Variants in TTC8 observed in about 807,000 individuals in gnomAD.
TTC8 encodes the protein tetratricopeptide repeat protein 8.
A neutral mutation model predicts 72.5 loss-of-function variants in TTC8; 47 were observed. The observed-to-expected ratio is 0.65, with a 90% CI of 0.51 to 0.83. The LOEUF is 0.83. Ranked by LOEUF, TTC8 falls within the 40% of genes least tolerant of loss-of-function variation. The pLI, the probability that TTC8 is intolerant of heterozygous loss-of-function variation, is 0.00. For missense variants in TTC8, 611 were observed against 623.2 expected, an observed-to-expected ratio of 0.98 and a Z score of 0.21; for synonymous variants, 199 against 221.4, an observed-to-expected ratio of 0.90 and a Z score of 0.90.
rs572231432 is a variant in TTC8, at chr14:88,841,905, G to T, written c.579+391G>T. Among the ~76,000 whole-genome samples, 11 of 152,166 alleles carry T rather than the reference G, an allele frequency of 7.2e-5. No individual in the cohort carries two copies. The East Asian group carries it at 2.1e-3, about 29-fold the overall frequency. On this transcript the variant is annotated intron_variant, in intron 6 of 14. Coordinates refer to ENST00000380656, the MANE Select transcript of TTC8 (RefSeq NM_144596.4). ...TGTAGGTTTTTTAGGACTGTCAAAG[G>T]ATGATAAAAATTATGTACTCCTAAT...
chr14:88,873,160 C>T (rs920391294), intron 13 of TTC8, among the ~76,000 whole-genome samples: 2 of 152,158 alleles, frequency 1.3e-5, no homozygotes, highest in Non-Finnish European at 2.9e-5. Context: ...CGTGACCTGC[C>T]CTCTGGCTCC....
At chr14:88,847,409 A>T (rs1029320369) in intron 7 of TTC8, among the ~76,000 whole-genome samples, 9 of 152,190 alleles carry the variant, frequency 5.9e-5, no homozygotes, top group Admixed American at 4.6e-4. Flanking sequence ...AACATATCTC[A>T]TTAACACGGA....
intron 7 of TTC8, among the ~76,000 whole-genome samples, chr14:88,851,455 A>G (rs1180219443): frequency 6.6e-6 from 1 of 152,154 alleles, no homozygotes; most frequent in African/African-American, 2.4e-5. Flanking sequence ...AGACATAAAA[A>G]ATTTTTGCAT....
At chr14:88,840,474 G>C (rs995955941) in intron 3 of TTC8, among the ~76,000 whole-genome samples, 1 of 151,962 alleles carries the variant, frequency 6.6e-6, no homozygotes, top group Non-Finnish European at 1.5e-5. Flanking sequence ...TAGATATTGT[G>C]GGTAAATTAT....
At chr14:88,868,885 A>G (rs1004093951) in intron 10 of TTC8, among the ~76,000 whole-genome samples, 19 of 152,230 alleles carry the variant, frequency 1.2e-4, no homozygotes, top group African/African-American at 4.6e-4. Flanking sequence ...ACTTTTAAGA[A>G]ATATTAAAAG....
At chr14:88,859,786 A>G (rs138060632) in intron 9 of TTC8, among the ~76,000 whole-genome samples, 112 of 132,492 alleles carry the variant, frequency 8.5e-4, no homozygotes, top group African/African-American at 2.9e-3. Flanking sequence ...GAAATTCAAT[A>G]TATATTTAAT....
chr14:88,825,156 T>A (rs188407627), intron 1 of TTC8, among the ~76,000 whole-genome samples: 20 of 152,350 alleles, frequency 1.3e-4, no homozygotes, highest in Non-Finnish European at 2.4e-4. Flanking sequence ...TGATGGGCTT[T>A]AAGCTCTCAG....
At chr14:88,832,096 A>T (rs767984690) in intron 1 of TTC8, among the ~76,000 whole-genome samples, 16 of 151,806 alleles carry the variant, frequency 1.1e-4, no homozygotes, top group Admixed American at 5.3e-4. Flanking sequence ...TAGGCCTCTC[A>T]TTTTCTCTTC....
At chr14:88,879,970 C>G (rs1339334585), downstream of TTC8, 3 of 152,170 alleles carry the variant, frequency 2.0e-5, no homozygotes, top group Admixed American at 2.0e-4. Flanking sequence ...AGCCACTGCA[C>G]CCAGCGTCTC....
chr14:88,837,295 A>G (rs533241162), intron 2 of TTC8, among the ~76,000 whole-genome samples: 9 of 152,080 alleles, frequency 5.9e-5, no homozygotes, highest in East Asian at 3.9e-4. Flanking sequence ...TAGCCTGCCT[A>G]TTGTCCACTT....
chr14:88,831,186 C>T (rs1285676831), intron 1 of TTC8, among the ~76,000 whole-genome samples: 2 of 152,128 alleles, frequency 1.3e-5, no homozygotes, highest in Non-Finnish European at 2.9e-5. Context: ...ACCCCTCCCA[C>T]CAGCTGCCAT....
intron 8 of TTC8, 109 bp from the exon 9 acceptor site, chr14:88,857,081 C>T: frequency 5.2e-6 from 5 of 953,470 alleles, no homozygotes; most frequent in Non-Finnish European, 8.5e-6. Context: ...GCAACATTAC[C>T]TTCCTTGGTA....
chr14:88,849,419 G>A (rs942115109), intron 7 of TTC8, among the ~76,000 whole-genome samples: 16 of 152,122 alleles, frequency 1.1e-4, no homozygotes, highest in Admixed American at 1.0e-3. Flanking sequence ...CAGGAATTCT[G>A]TTTTTTAACA....
intron 2 of TTC8, among the ~76,000 whole-genome samples, chr14:88,838,663 A>G (rs117786141): frequency 0.012 from 1,756 of 152,330 alleles, 13 homozygotes; most frequent in Middle Eastern, 0.024. Context: ...AAACAATTTC[A>G]TATGTTTAAT....
chr14:88,846,149 A>C (rs1043706066), intron 7 of TTC8, among the ~76,000 whole-genome samples: 2 of 152,042 alleles, frequency 1.3e-5, no homozygotes, highest in African/African-American at 2.4e-5. Flanking sequence ...TCTACAAAAA[A>C]TACAAAAATT....
intron 7 of TTC8, 53 bp from the exon 8 acceptor site, chr14:88,852,918 A>T: frequency 7.0e-7 from 1 of 1,431,084 alleles, no homozygotes. Context: ...TATTTTCCTG[A>T]CTGCTTATTG....
At chr14:88,872,280 A>G in intron 12 of TTC8, 50 bp from the exon 13 acceptor site, 1 of 1,611,016 alleles carries the variant, frequency 6.2e-7, no homozygotes, top group South Asian at 1.1e-5. Flanking sequence ...GAAAGAAGGG[A>G]GGAGGAAGTA....
rs773278542 is a variant in TTC8, at chr14:88,875,041, C to G, written c.1363C>G (p.Gln455Glu). The G allele has an allele frequency of 6.2e-7, 1 of 1,612,432 alleles. No individual in the cohort carries two copies. The highest frequency in any genetic ancestry group is 8.5e-7 in the Non-Finnish European group (1 of 1,179,450). The part of the protein sequence containing the change: ...GHVEQARALL[Q>E]TASSLAPHMY... The stretch of plus-strand genomic sequence containing the variant: ...TTATACACAGGCAAGGGCACTATTA[C>G]AAACTGCATCATCATTAGCACCCCA... Residue 455 changes from glutamine to glutamate, a missense_variant, in exon 14 of 15, where the codon CAA (glutamine) becomes GAA (glutamate). Transcript: ENST00000380656.
intron 14 of TTC8, 117 bp from the exon 15 acceptor site, chr14:88,877,177 G>T: frequency 1.3e-6 from 1 of 771,436 alleles, no homozygotes; most frequent in African/African-American, 1.8e-5. Flanking sequence ...AAAAAAAAAA[G>T]AAAAGAACCC....
Sources: gnomAD v4.1 joint callset for allele counts (sites outside exome capture counted in the v4.1 genomes callset) on GRCh38, gnomAD v4.1.1 for gene constraint, MANE v1.5 for transcripts, NCBI Gene and HGNC (gene_info 2026-07-23, HGNC 2026-07-21) for gene names.